STIL: variants seen among roughly 807,000 people sequenced by gnomAD.
STIL encodes the protein SCL-interrupting locus protein.
A neutral mutation model predicts 110.1 loss-of-function variants in STIL; 55 were observed. The observed-to-expected ratio is 0.50, with a 90% CI of 0.40 to 0.63. The LOEUF (loss-of-function observed/expected upper bound fraction) is 0.63, where lower values mean the gene tolerates loss of function less well. STIL is among the 20% of genes least tolerant of loss of function. The probability of loss-of-function intolerance (pLI) is 0.00; values close to 1 mark genes in which losing one functional copy is unlikely to be tolerated. For missense variants in STIL, 1,358 were observed against 1,530.0 expected (o/e 0.89, Z 1.87); for synonymous variants, 481 against 530.0 (o/e 0.91, Z 1.27).
intron 16 of STIL, among the ~76,000 whole-genome samples, 176 bp downstream of exon 16, chr1:47,260,113 G>A (rs1269454264): frequency 6.6e-6 from 1 of 152,126 alleles, no homozygotes; most frequent in Non-Finnish European, 1.5e-5. Flanking sequence ...TCATGCATAT[G>A]GTAGGCCCTG....
chr1:47,284,555 T>G (rs1344336430), intron 10 of STIL, among the ~76,000 whole-genome samples: 1 of 152,132 alleles, frequency 6.6e-6, no homozygotes, highest in African/African-American at 2.4e-5. Context: ...TCCATAAATA[T>G]TCAATAAAAT....
At chr1:47,302,674 A>G (rs1645840554) in intron 3 of STIL, among the ~76,000 whole-genome samples, 1 of 152,192 alleles carries the variant, frequency 6.6e-6, no homozygotes, top group South Asian at 2.1e-4. Context: ...CTTCAGATAT[A>G]ATCAGCATTA....
At chr1:47,289,076 A>C (rs911155955) in intron 9 of STIL, among the ~76,000 whole-genome samples, 4 of 150,136 alleles carry the variant, frequency 2.7e-5, no homozygotes, top group Non-Finnish European at 4.4e-5. Flanking sequence ...AAAAAAAAAA[A>C]AAAAAAAAAA....
chr1:47,251,073 T>C lies in STIL; in HGVS notation c.*63A>G, dbSNP rs533648788. The C allele has an allele frequency of 8.6e-5, 130 of 1,515,886 alleles. 1 individual carries two copies. In the South Asian group the frequency reaches 1.4e-3, roughly 17 times the overall value. 93.9% of individuals were successfully genotyped at this position (1,515,886 alleles called of 1,614,324 possible). On this transcript the variant is annotated 3_prime_UTR_variant, in exon 17 of 17. Transcript: ENST00000371877. ...TCAGGAGCCTTGTGGTAGGCTCCTGTTTTCCCTAAGTATCTTCAGGAGACA... is the reference window on the plus strand; with the variant it reads ...TCAGGAGCCTTGTGGTAGGCTCCTGCTTTCCCTAAGTATCTTCAGGAGACA...
chr1:47,265,012 G>A (rs1009907681), intron 14 of STIL, among the ~76,000 whole-genome samples: 18 of 149,716 alleles, frequency 1.2e-4, no homozygotes, highest in Non-Finnish European at 7.4e-5. Context: ...GAGACAAGCA[G>A]ATCACTTGAG....
At chr1:47,290,374 T>C in intron 8 of STIL, among the ~76,000 whole-genome samples, 1 of 152,176 alleles carries the variant, frequency 6.6e-6, no homozygotes, top group East Asian at 1.9e-4. Flanking sequence ...TTTTACATTA[T>C]ATATATAGAG....
intron 6 of STIL, among the ~76,000 whole-genome samples, chr1:47,298,919 TTTG>T (rs1645718767): frequency 6.6e-6 from 1 of 152,110 alleles, no homozygotes; most frequent in Admixed American, 6.6e-5. Context: ...TTTTTGTTTG[TTTG>T]TTATTTTTAG....
chr1:47,312,333 A>G (rs1201350384), intron 1 of STIL, among the ~76,000 whole-genome samples: 1 of 152,146 alleles, frequency 6.6e-6, no homozygotes, highest in Admixed American at 6.5e-5. Flanking sequence ...TACTAAAAAT[A>G]CAAAAAATTA....
intron 14 of STIL, among the ~76,000 whole-genome samples, chr1:47,269,190 C>T (rs988565414): frequency 6.6e-6 from 1 of 151,948 alleles, no homozygotes; most frequent in African/African-American, 2.4e-5. Context: ...AGTTTTCTTC[C>T]GATTTCTGAT....
rs368795211 is a variant in STIL at position 47,269,640 on chromosome 1, T to C, written c.2610A>G (p.Val870=). 1.2e-5 allele frequency: 19 copies of C among 1,613,976 alleles called. No homozygotes were observed. The African/African-American group carries it at 2.4e-4, about 20-fold the overall frequency. Residue 870 remains valine, a synonymous_variant, in exon 14 of 17, where the codon GTA becomes GTG. Coordinates refer to ENST00000371877, the MANE Select transcript of STIL (RefSeq NM_001048166.1). ...VEEEFNQPLS[V]SNSSSLVVRK... ...CTAAATCAAAGAGACCTTACTTGGA[T>C]ACAGAAAGTGGCTGGTTAAATTCTT...
At chr1:47,253,931 C>T (rs1644255549) in intron 16 of STIL, among the ~76,000 whole-genome samples, 1 of 152,122 alleles carries the variant, frequency 6.6e-6, no homozygotes, top group Non-Finnish European at 1.5e-5. Flanking sequence ...GTAATCCCAG[C>T]ACTTTGGGAG....
Position 47,260,551 on chromosome 1 carries a change from A to G in STIL, c.2830-12T>C. 2 of 1,613,768 alleles carry G rather than the reference A, an allele frequency of 1.2e-6. No individual in the cohort carries two copies. The highest frequency in any genetic ancestry group is 1.7e-6 in the Non-Finnish European group (2 of 1,179,790). On this transcript the variant is annotated splice_polypyrimidine_tract_variant and intron_variant, in intron 15 of 16. Coordinates refer to ENST00000371877, the MANE Select transcript of STIL (RefSeq NM_001048166.1). Reference sequence around the variant, plus strand: ...TGGTTTACTTGACCCTGACAAAAAGAAAAAAAATTTTTTTGAAAAATCACT... The same window carrying G: ...TGGTTTACTTGACCCTGACAAAAAGGAAAAAAATTTTTTTGAAAAATCACT...
chr1:47,270,719 T>G (rs373391788), intron 13 of STIL, among the ~76,000 whole-genome samples: 3 of 139,570 alleles, frequency 2.1e-5, no homozygotes, highest in African/African-American at 7.9e-5. Context: ...ACTTTGTTGC[T>G]CAGGCTGGAG....
chr1:47,269,459 T>C (rs904117568), intron 14 of STIL, among the ~76,000 whole-genome samples, 176 bp downstream of exon 14: 3 of 152,224 alleles, frequency 2.0e-5, no homozygotes. Flanking sequence ...CAAATGTTTT[T>C]ACCACAGAAA....
intron 6 of STIL, among the ~76,000 whole-genome samples, chr1:47,296,934 G>T (rs1645657580): frequency 6.6e-6 from 1 of 152,210 alleles, no homozygotes; most frequent in African/African-American, 2.4e-5. Flanking sequence ...CAGGTCTTGT[G>T]ACAAGAATAT....
intron 2 of STIL, among the ~76,000 whole-genome samples, chr1:47,308,144 T>C (rs958520726): frequency 6.6e-6 from 1 of 152,164 alleles, no homozygotes; most frequent in African/African-American, 2.4e-5. Flanking sequence ...GTTAAGTACT[T>C]GATGTCTGTC....
intron 10 of STIL, among the ~76,000 whole-genome samples, chr1:47,285,927 T>G (rs1277984468): frequency 6.6e-6 from 1 of 152,090 alleles, no homozygotes; most frequent in East Asian, 1.9e-4. Flanking sequence ...CAGGCTGAAG[T>G]GCAGTGGCGC....
chr1:47,261,620 G>C (rs1004479735), intron 15 of STIL, among the ~76,000 whole-genome samples: 1 of 151,804 alleles, frequency 6.6e-6, no homozygotes, highest in Non-Finnish European at 1.5e-5. Context: ...TGCACCTGTG[G>C]TCCCAGCTAC....
intron 16 of STIL, among the ~76,000 whole-genome samples, chr1:47,257,947 T>C (rs796739382): frequency 3.9e-4 from 59 of 152,362 alleles, no homozygotes; most frequent in African/African-American, 1.3e-3. Context: ...CACATGTATA[T>C]GTGTAGCTGG....
Sources: gnomAD v4.1 joint callset for allele counts (sites outside exome capture counted in the v4.1 genomes callset) on GRCh38, gnomAD v4.1.1 for gene constraint, MANE v1.5 for transcripts, NCBI Gene and HGNC (gene_info 2026-07-23, HGNC 2026-07-21) for gene names.